DPP10: variants seen among roughly 807,000 people sequenced by gnomAD.
The protein encoded by DPP10 is inactive dipeptidyl peptidase 10.
A neutral mutation model predicts 120.9 loss-of-function variants in DPP10; 33 were observed. That is an observed-to-expected ratio of 0.27 (90% CI 0.21 to 0.37). The LOEUF (loss-of-function observed/expected upper bound fraction) is 0.37, where lower values mean the gene tolerates loss of function less well. Ranked by LOEUF, DPP10 falls within the 10% of genes least tolerant of loss-of-function variation. The probability of loss-of-function intolerance (pLI) is 1.00; values close to 1 mark genes in which losing one functional copy is unlikely to be tolerated. For synonymous variants in DPP10, 337 were observed against 326.1 expected (o/e 1.03, Z -0.36); for missense variants, 816 against 942.8 (o/e 0.87, Z 1.76).
intron 1 of DPP10, among the ~76,000 whole-genome samples, chr2:114,757,765 G>A (rs1679918924): frequency 6.6e-6 from 1 of 152,168 alleles, no homozygotes. Context: ...CAACTCTGGG[G>A]TTAGGGCCCA....
chr2:115,463,059 T>C (rs903720961), intron 3 of DPP10, among the ~76,000 whole-genome samples: 7 of 152,114 alleles, frequency 4.6e-5, no homozygotes, highest in African/African-American at 1.4e-4. Context: ...ATTTTCTCTA[T>C]CTGGAATAAC....
chr2:114,639,095 A>G (rs1695515255), intron 1 of DPP10, among the ~76,000 whole-genome samples: 1 of 151,874 alleles, frequency 6.6e-6, no homozygotes, highest in Non-Finnish European at 1.5e-5. Context: ...TCACACTGCT[A>G]ATAAAGACAT....
chr2:115,296,129 G>A (rs149173087), intron 1 of DPP10, among the ~76,000 whole-genome samples: 598 of 152,186 alleles, frequency 3.9e-3, no homozygotes, highest in African/African-American at 0.013. Context: ...AATGGCACTT[G>A]CTCTGGAGGC....
chr2:115,054,744 C>A (rs1434312632), intron 1 of DPP10, among the ~76,000 whole-genome samples: 1 of 152,090 alleles, frequency 6.6e-6, no homozygotes, highest in African/African-American at 2.4e-5. Context: ...AACCCAGTCT[C>A]TACTAAAAAT....
intron 7 of DPP10, among the ~76,000 whole-genome samples, chr2:115,695,359 C>T (rs911328817): frequency 2.0e-5 from 3 of 152,146 alleles, no homozygotes; most frequent in Admixed American, 1.3e-4. Flanking sequence ...TCTCATGCAG[C>T]TAATAAAGAC....
chr2:114,693,857 T>C (rs1218169029), intron 1 of DPP10, among the ~76,000 whole-genome samples: 1 of 151,932 alleles, frequency 6.6e-6, no homozygotes, highest in Non-Finnish European at 1.5e-5. Flanking sequence ...TTCTTTCCCC[T>C]ACTTGTCTCC....
intron 1 of DPP10, among the ~76,000 whole-genome samples, chr2:114,444,093 A>G (rs982827812): frequency 1.3e-5 from 2 of 152,170 alleles, no homozygotes; most frequent in Non-Finnish European, 2.9e-5. Flanking sequence ...GTTAACTGAA[A>G]TCATGCAGAA....
At chr2:115,365,352 G>A (rs965181225) in intron 3 of DPP10, among the ~76,000 whole-genome samples, 2 of 151,806 alleles carry the variant, frequency 1.3e-5, no homozygotes, top group African/African-American at 4.8e-5. Flanking sequence ...CTCTCACAGA[G>A]GAACATTTTC....
intron 21 of DPP10, among the ~76,000 whole-genome samples, chr2:115,821,838 A>T (rs1325564622): frequency 3.3e-5 from 5 of 152,004 alleles, no homozygotes; most frequent in Non-Finnish European, 1.5e-5. Flanking sequence ...ATAAACGTGT[A>T]CGCTTGTTTT....
intron 1 of DPP10, among the ~76,000 whole-genome samples, chr2:114,855,849 A>G (rs17043687): frequency 6.6e-6 from 1 of 152,178 alleles, no homozygotes; most frequent in South Asian, 2.1e-4. Flanking sequence ...GTGCCCTGCT[A>G]TCTTGGATCT....
chr2:114,903,952 T>C (rs771804358), intron 1 of DPP10, among the ~76,000 whole-genome samples: 2 of 152,212 alleles, frequency 1.3e-5, no homozygotes, highest in Non-Finnish European at 2.9e-5. Flanking sequence ...AAGAATAAAT[T>C]TGTGTTGTTT....
chr2:115,120,937 T>C (rs1225121212), intron 1 of DPP10, among the ~76,000 whole-genome samples: 2 of 152,246 alleles, frequency 1.3e-5, no homozygotes, highest in East Asian at 1.9e-4. Context: ...TAAGAAGTTA[T>C]GTTGCTGTGC....
At chr2:115,087,905 G>A (rs1261677899) in intron 1 of DPP10, among the ~76,000 whole-genome samples, 2 of 152,122 alleles carry the variant, frequency 1.3e-5, no homozygotes, top group Non-Finnish European at 2.9e-5. Context: ...GTCAGGTGGT[G>A]TCTTGGTTGA....
chr2:114,724,312 A>C (rs1201354506), intron 1 of DPP10, among the ~76,000 whole-genome samples: 1 of 152,270 alleles, frequency 6.6e-6, no homozygotes, highest in Non-Finnish European at 1.5e-5. Flanking sequence ...CTATAGTTCA[A>C]TAACGTATAA....
At chr2:115,549,513 AC>A (rs1481907639) in intron 5 of DPP10, among the ~76,000 whole-genome samples, 1 of 151,766 alleles carries the variant, frequency 6.6e-6, no homozygotes, top group African/African-American at 2.4e-5. Flanking sequence ...CTGTCACTGC[AC>A]TCTTTTACCA....
chr2:114,726,394 A>G (rs935223648), intron 1 of DPP10, among the ~76,000 whole-genome samples: 3 of 152,142 alleles, frequency 2.0e-5, no homozygotes, highest in Admixed American at 1.3e-4. Context: ...GACCTCCTTA[A>G]CTTGTCATAA....
intron 3 of DPP10, among the ~76,000 whole-genome samples, chr2:115,437,955 A>G (rs1196716514): frequency 6.6e-6 from 1 of 152,112 alleles, no homozygotes; most frequent in Non-Finnish European, 1.5e-5. Context: ...GCTCACATTC[A>G]AGTACTTCAG....
intron 7 of DPP10, among the ~76,000 whole-genome samples, chr2:115,690,161 A>G (rs1388103322): frequency 6.6e-6 from 1 of 152,186 alleles, no homozygotes; most frequent in African/African-American, 2.4e-5. Context: ...CTGCTGGTTT[A>G]TAATGAAACC....
chr2:114,728,363 T>C (rs1676551729), intron 1 of DPP10, among the ~76,000 whole-genome samples: 1 of 152,168 alleles, frequency 6.6e-6, no homozygotes, highest in Non-Finnish European at 1.5e-5. Context: ...TAAACCCTAA[T>C]CTGGGCCCTA....
Sources: allele counts gnomAD v4.1 joint callset (sites outside exome capture counted in the v4.1 genomes callset), GRCh38; gene constraint gnomAD v4.1.1; transcripts MANE v1.5; gene names NCBI Gene and HGNC (gene_info 2026-07-23, HGNC 2026-07-21).